The following LTN1 variants were observed in gnomAD, a reference collection of about 807,000 sequenced individuals.
LTN1 encodes the protein listerin E3 ubiquitin protein ligase 1.
LTN1 carries 88 observed loss-of-function variants against 201.2 expected under a neutral mutation model. The ratio of observed to expected loss-of-function variants is 0.44; its 90% CI spans 0.37 to 0.52. The LOEUF is 0.52. LTN1 is among the 20% of genes least tolerant of loss of function. LTN1 has a pLI of 0.00. For synonymous variants in LTN1, 645 were observed against 713.5 expected, an observed-to-expected ratio of 0.90 and a Z score of 1.53; for missense variants, 1,752 against 2,038.7, an observed-to-expected ratio of 0.86 and a Z score of 2.71.
chr21:28,981,261 C>T lies in LTN1; in HGVS notation c.668G>A (p.Arg223Gln), dbSNP rs763468785. ...TGCCAATAAGGAACAAGTTACAACCCGGTAGAATTTAGCTTCTCTTTCTTC... is the reference window on the plus strand; with the variant it reads ...TGCCAATAAGGAACAAGTTACAACCTGGTAGAATTTAGCTTCTCTTTCTTC... ...PEEEREAKFYRVVTCSLLALK... is the reference protein window; with the variant it reads ...PEEEREAKFYQVVTCSLLALK... Residue 223 changes from arginine (R) to glutamine (Q), a missense_variant, in exon 6 of 30, where the codon CGG becomes CAG. Physicochemically the swap from Arg to Gln is conservative, Grantham distance 43. Coordinates refer to ENST00000361371, the MANE Select transcript of LTN1 (RefSeq NM_015565.3). 3.2e-6 allele frequency: 5 copies of T among 1,568,516 alleles called. No individual in the cohort carries two copies. The highest frequency in any genetic ancestry group is 2.3e-5 in the East Asian group (1 of 43,358).
At chr21:28,991,523 T>C (rs573199940) in intron 1 of LTN1, among the ~76,000 whole-genome samples, 2 of 152,162 alleles carry the variant, frequency 1.3e-5, no homozygotes, top group Admixed American at 6.5e-5. Context: ...TTCAGAAAAA[T>C]ACATAAATTA....
intron 27 of LTN1, 41 bp from the exon 28 acceptor site, chr21:28,932,705 T>C: frequency 1.4e-6 from 2 of 1,412,884 alleles, no homozygotes; most frequent in South Asian, 2.4e-5. Flanking sequence ...CAAATTTCTG[T>C]CTTTCAACCA....
At chr21:28,991,135 C>T (rs1410863233) in intron 1 of LTN1, among the ~76,000 whole-genome samples, 1 of 149,796 alleles carries the variant, frequency 6.7e-6, no homozygotes, top group African/African-American at 2.5e-5. Flanking sequence ...AGACTCTGTC[C>T]CCGAAAAAAA....
chr21:28,944,744 AT>A, intron 21 of LTN1, 148 bp from the exon 22 acceptor site: 1 of 600,832 alleles, frequency 1.7e-6, no homozygotes, highest in Non-Finnish European at 2.9e-6. Flanking sequence ...GAAACATAAA[AT>A]TTTACATCAA....
At chr21:28,957,255 C>A in intron 15 of LTN1, 77 bp downstream of exon 15, 1 of 1,335,924 alleles carries the variant, frequency 7.5e-7, no homozygotes, top group Non-Finnish European at 1.0e-6. Flanking sequence ...GTTTTTCTTC[C>A]CCAAAATAAA....
At chr21:28,974,644 A>G (rs1448414908) in intron 6 of LTN1, among the ~76,000 whole-genome samples, 1 of 152,190 alleles carries the variant, frequency 6.6e-6, no homozygotes, top group Non-Finnish European at 1.5e-5. Context: ...AAGAACCAGG[A>G]AAGAAGGCCA....
intron 12 of LTN1, 110 bp from the exon 13 acceptor site, chr21:28,959,807 T>A: frequency 1.0e-6 from 1 of 952,982 alleles, no homozygotes; most frequent in Non-Finnish European, 1.5e-6. Flanking sequence ...TTTTAAAATG[T>A]ATTAGACAAA....
intron 12 of LTN1, 105 bp downstream of exon 12, chr21:28,960,412 C>A: frequency 1.2e-6 from 1 of 832,706 alleles, no homozygotes; most frequent in Non-Finnish European, 1.8e-6. Context: ...ATGAGTAAGT[C>A]CTGTTATTTT....
At chr21:28,962,606 C>T (rs1469576397) in intron 11 of LTN1, among the ~76,000 whole-genome samples, 1 of 152,170 alleles carries the variant, frequency 6.6e-6, no homozygotes, top group Non-Finnish European at 1.5e-5. Flanking sequence ...TCCCTATTCC[C>T]TTAGACACAA....
intron 14 of LTN1, 42 bp downstream of exon 14, chr21:28,958,343 CA>C: frequency 6.4e-7 from 1 of 1,559,026 alleles, no homozygotes; most frequent in Non-Finnish European, 8.7e-7. Context: ...GGACACTGTT[CA>C]AGTATAAAAG....
intron 23 of LTN1, 99 bp from the exon 24 acceptor site, chr21:28,943,435 A>C: frequency 2.7e-6 from 2 of 750,052 alleles, no homozygotes; most frequent in South Asian, 1.8e-5. Context: ...TAATGAGTAA[A>C]TGTTTTAATG....
At chr21:28,966,347 G>C in intron 10 of LTN1, 23 bp downstream of exon 10, 1 of 1,546,254 alleles carries the variant, frequency 6.5e-7, no homozygotes, top group Non-Finnish European at 8.7e-7. Flanking sequence ...CAAATAGTTT[G>C]AAAAGATATA....
intron 25 of LTN1, among the ~76,000 whole-genome samples, chr21:28,940,537 T>C (rs2146263382): frequency 6.6e-6 from 1 of 151,418 alleles, no homozygotes; most frequent in African/African-American, 2.4e-5. Flanking sequence ...TTAAGTTATA[T>C]CTCCACAACA....
Position 28,935,259 on chromosome 21 carries a change from C to T in LTN1, c.4725G>A (p.Leu1575=). The T allele has an allele frequency of 6.2e-7, 1 of 1,614,054 alleles. No individual in the cohort carries two copies. The highest frequency in any genetic ancestry group is 8.5e-7 in the Non-Finnish European group (1 of 1,179,936). Residue 1575 remains leucine, a synonymous_variant, in exon 27 of 30, where the codon TTG becomes TTA. Transcript: ENST00000361371. ...CSVYHMTLKD[L]PAMVRLWWNS... ...TCCACCACAACCTAACCATGGCAGG[C>T]AAGTCTTTTAATGTCATATGATAGA...
rs756651808 is a variant in LTN1, at chr21:28,986,881, C to A, written c.96G>T (p.Val32=). Residue 32 remains valine (V), a synonymous_variant, in exon 2 of 30, where the codon GTG becomes GTT. Coordinates refer to ENST00000361371, the MANE Select transcript of LTN1 (RefSeq NM_015565.3). The surrounding 1 kb of genome is among the most constrained non-coding windows in gnomAD (Gnocchi z 4.1). The part of the protein sequence containing the change: ...AELLAKEQGT[V]PGFIGFGTSQ... Reference sequence around the variant, plus strand: ...ATGTTCCAAAACCAATAAATCCAGGCACTGTTCCCTGTTCTTTGGCAAGGA... The same window carrying A: ...ATGTTCCAAAACCAATAAATCCAGGAACTGTTCCCTGTTCTTTGGCAAGGA... 1 of 1,614,162 alleles carries A rather than the reference C, an allele frequency of 6.2e-7. No individual in the cohort carries two copies. Among genetic ancestry groups the A allele is most frequent in the South Asian group, 1.1e-5 (1 of 91,086 alleles).
intron 11 of LTN1, among the ~76,000 whole-genome samples, chr21:28,964,384 G>A (rs1051544583): frequency 2.0e-5 from 3 of 152,166 alleles, no homozygotes; most frequent in Non-Finnish European, 4.4e-5. Flanking sequence ...ATTACAACTC[G>A]CTGAAGGCTG....
chr21:28,986,398 C>T lies in LTN1; in HGVS notation c.247-161G>A, dbSNP rs760062328. 9.5e-5 allele frequency: 65 copies of T among 684,320 alleles called. No homozygotes were observed. The highest frequency in any genetic ancestry group is 6.0e-5 in the Non-Finnish European group (23 of 381,388). 42.4% of individuals were successfully genotyped at this position (684,320 alleles called of 1,614,324 possible). On this transcript the variant is annotated intron_variant, in intron 2 of 29. Transcript: ENST00000361371. This position sits in a 1 kb window ranked among gnomAD's most constrained non-coding sequence, Gnocchi z 4.1. ...TGAAGAGCTCTTTCACAGGCTACTA[C>T]GGTAGAAACTCTTCAGTTGTTTTTT...
At chr21:28,950,931 A>G (rs1322210374) in intron 18 of LTN1, among the ~76,000 whole-genome samples, 1 of 152,186 alleles carries the variant, frequency 6.6e-6, no homozygotes, top group East Asian at 1.9e-4. Context: ...CTATATATGG[A>G]TAACGCAAGG....
In LTN1 at chr21:28,986,257, A is replaced by T; in HGVS notation, c.247-20T>A. 7.3e-7 allele frequency: 1 copy of T among 1,368,888 alleles called. No individual in the cohort carries two copies. The highest frequency in any genetic ancestry group is 1.0e-6 in the Non-Finnish European group (1 of 960,548). 84.8% of individuals were successfully genotyped at this position (1,368,888 alleles called of 1,614,324 possible). A position where few individuals can be genotyped will look rare whatever the true frequency, so the allele number is the denominator to read the frequency against. On this transcript the variant is annotated intron_variant, in intron 2 of 29. Coordinates refer to ENST00000361371, the MANE Select transcript of LTN1 (RefSeq NM_015565.3). This position sits in a 1 kb window ranked among gnomAD's most constrained non-coding sequence, Gnocchi z 4.1. Reference sequence around the variant, plus strand: ...CATAGCCTAAAAGTAAGTTATTAACATCATTAGGATTAACAACCATAATAA... The same window carrying T: ...CATAGCCTAAAAGTAAGTTATTAACTTCATTAGGATTAACAACCATAATAA...
Sources: allele counts gnomAD v4.1 joint callset (sites outside exome capture counted in the v4.1 genomes callset), GRCh38; gene constraint gnomAD v4.1.1; non-coding constraint Gnocchi (gnomAD v3.1); transcripts MANE v1.5; gene names NCBI Gene and HGNC (gene_info 2026-07-23, HGNC 2026-07-21).